EFR3A: variants seen among roughly 807,000 people sequenced by gnomAD.
EFR3A encodes protein EFR3 homolog A.
A neutral mutation model predicts 104.4 loss-of-function variants in EFR3A; 76 were observed. That is an observed-to-expected ratio of 0.73 (90% confidence interval 0.60 to 0.88). The LOEUF is 0.88. Ranked by LOEUF, EFR3A falls within the 40% of genes least tolerant of loss-of-function variation. The pLI is 0.00. For synonymous variants in EFR3A, 330 were observed against 330.0 expected, an observed-to-expected ratio of 1.00 and a Z score of 0.00; for missense variants, 985 against 1,012.5, an observed-to-expected ratio of 0.97 and a Z score of 0.37.
In EFR3A at chr8:131,984,275, T is replaced by G. The variant is rs771925674; in HGVS notation, c.1712T>G (p.Leu571Arg). The change falls in exon 15 of 23, where the codon CTC (leucine) becomes CGC (arginine). Residue 571 changes from leucine to arginine, a missense_variant. Transcript: ENST00000254624. ...GCTAATGAAGAAGTAGTTATTGATC[T>G]CATTCGACTGGCCATTGCTTTACAG... is the stretch of plus-strand genomic sequence containing the variant. ...ELANEEVVIDLIRLAIALQDS... is the reference protein window; with the variant it reads ...ELANEEVVIDRIRLAIALQDS... 1 of 1,604,368 alleles carries G rather than the reference T, an allele frequency of 6.2e-7. No homozygotes were observed. Among genetic ancestry groups the G allele is most frequent in the South Asian group, 1.1e-5 (1 of 88,966 alleles).
At chr8:132,009,433 A>G (rs1822212113) in intron 22 of EFR3A, among the ~76,000 whole-genome samples, 1 of 152,072 alleles carries the variant, frequency 6.6e-6, no homozygotes, top group African/African-American at 2.4e-5. Flanking sequence ...GCAGTCAGGA[A>G]AATGCTGTAG....
At chr8:131,988,031 T>G (rs1024912612) in intron 18 of EFR3A, among the ~76,000 whole-genome samples, 1 of 152,086 alleles carries the variant, frequency 6.6e-6, no homozygotes, top group Non-Finnish European at 1.5e-5. Context: ...TTATGGAAAT[T>G]GATGAAAATT....
chr8:131,928,797 A>C (rs1817437380), intron 1 of EFR3A, among the ~76,000 whole-genome samples: 1 of 150,300 alleles, frequency 6.7e-6, no homozygotes, highest in South Asian at 2.1e-4. Flanking sequence ...TTTCCTCATT[A>C]CTGGAGCGTT....
At chr8:131,982,399 T>G (rs532867683) in intron 14 of EFR3A, among the ~76,000 whole-genome samples, 1 of 152,242 alleles carries the variant, frequency 6.6e-6, no homozygotes, top group East Asian at 1.9e-4. Flanking sequence ...GTCAGACATT[T>G]GAATTCTTTC....
In EFR3A at chr8:131,908,054, G is replaced by A. The variant is rs374319323; in HGVS notation, c.10+3732G>A. On this transcript the variant is annotated intron_variant, in intron 1 of 22. Coordinates refer to ENST00000254624, the MANE Select transcript of EFR3A (RefSeq NM_015137.6). ...CTGGAGAAAGAGAAAGCCAGAATTTGAGGTTTTTTTTTTTTTCTTTTTTTG... is the reference window on the plus strand; with the variant it reads ...CTGGAGAAAGAGAAAGCCAGAATTTAAGGTTTTTTTTTTTTTCTTTTTTTG... Among the ~76,000 whole-genome samples, 15 of 150,474 alleles carry A rather than the reference G, an allele frequency of 1.0e-4. No individual in the cohort carries two copies. The East Asian group carries it at 1.8e-3, about 18-fold the overall frequency.
intron 1 of EFR3A, among the ~76,000 whole-genome samples, chr8:131,910,460 A>G (rs1402778493): frequency 6.6e-6 from 1 of 152,044 alleles, no homozygotes. Flanking sequence ...TTGAGTAGAG[A>G]TGGGGTTTCA....
At chr8:131,972,256 CTTT>C (rs34550285) in intron 10 of EFR3A, among the ~76,000 whole-genome samples, 2 of 139,610 alleles carry the variant, frequency 1.4e-5, no homozygotes, top group Admixed American at 7.2e-5. Context: ...CTCCCTGAAC[CTTT>C]TTTTTTTTTT....
intron 1 of EFR3A, among the ~76,000 whole-genome samples, chr8:131,919,146 C>T (rs1424481575): frequency 6.6e-6 from 1 of 151,586 alleles, no homozygotes; most frequent in Non-Finnish European, 1.5e-5. Context: ...ATCTTTTTTC[C>T]CCCCATATTC....
At chr8:131,913,036 T>G (rs1816584390) in intron 1 of EFR3A, among the ~76,000 whole-genome samples, 2 of 151,444 alleles carry the variant, frequency 1.3e-5, no homozygotes, top group Middle Eastern at 3.4e-3. Flanking sequence ...TTCTGCCTTA[T>G]TAAGTGGTGG....
chr8:131,984,555 T>C (rs1820780067), intron 15 of EFR3A, among the ~76,000 whole-genome samples: 1 of 152,086 alleles, frequency 6.6e-6, no homozygotes, highest in African/African-American at 2.4e-5. Context: ...AGTCCCTGTA[T>C]CCACACTTCC....
chr8:131,965,230 C>T (rs954174306), intron 8 of EFR3A, among the ~76,000 whole-genome samples: 13 of 152,204 alleles, frequency 8.5e-5, no homozygotes, highest in African/African-American at 2.9e-4. Flanking sequence ...TCTAATTAAA[C>T]TAAAGAGCTT....
At chr8:132,003,174 ATATTAT>A (rs1337558071) in intron 21 of EFR3A, 56 bp from the exon 22 acceptor site, 2 of 1,253,198 alleles carry the variant, frequency 1.6e-6, no homozygotes, top group Non-Finnish European at 2.3e-6. Context: ...AGTTACATTG[ATATTAT>A]TATATATAGA....
intron 1 of EFR3A, among the ~76,000 whole-genome samples, chr8:131,938,838 A>G (rs1421071054): frequency 6.6e-6 from 1 of 152,010 alleles, no homozygotes; most frequent in Non-Finnish European, 1.5e-5. Context: ...TGGTTTCCTC[A>G]TTTATCCAAT....
intron 4 of EFR3A, 122 bp from the exon 5 acceptor site, chr8:131,949,847 T>G: frequency 1.1e-6 from 1 of 902,000 alleles, no homozygotes; most frequent in Non-Finnish European, 1.6e-6. Flanking sequence ...AATGTTGTAT[T>G]TGATGTTTTG....
rs1822415364 is a variant in EFR3A at position 132,012,816 on chromosome 8, T to C, written c.*1921T>C. 1 of 152,324 alleles carries C rather than the reference T, an allele frequency of 6.6e-6. No homozygotes were observed. Among genetic ancestry groups the C allele is most frequent in the Admixed American group, 6.6e-5 (1 of 15,264 alleles). 9.4% of individuals were successfully genotyped at this position (152,324 alleles called of 1,614,324 possible). On this transcript the variant is annotated 3_prime_UTR_variant, in exon 23 of 23. Coordinates refer to ENST00000254624, the MANE Select transcript of EFR3A (RefSeq NM_015137.6). ...CACTTACGTGAAACACAAACTTTGC[T>C]CTACAAAATTTCGTGTTTCTTAGTG...
chr8:131,989,606 C>T (rs76853629), intron 18 of EFR3A, among the ~76,000 whole-genome samples: 5,442 of 152,214 alleles, frequency 0.036, 190 homozygotes, highest in African/African-American at 0.092. Context: ...TTCAGGGACT[C>T]AAATATTGTT....
At chr8:131,965,153 T>C (rs1819628920) in intron 8 of EFR3A, among the ~76,000 whole-genome samples, 1 of 152,118 alleles carries the variant, frequency 6.6e-6, no homozygotes, top group South Asian at 2.1e-4. Flanking sequence ...GACATAGGCA[T>C]GGGCAAGGAC....
intron 1 of EFR3A, among the ~76,000 whole-genome samples, chr8:131,923,165 G>A (rs770207402): frequency 6.6e-6 from 1 of 152,054 alleles, no homozygotes; most frequent in Non-Finnish European, 1.5e-5. Context: ...CTCCAAGACC[G>A]GCCTGTCAAT....
intron 5 of EFR3A, among the ~76,000 whole-genome samples, chr8:131,951,706 C>A (rs1818712527): frequency 6.6e-6 from 1 of 152,028 alleles, no homozygotes; most frequent in African/African-American, 2.4e-5. Flanking sequence ...TTTCTGTAAA[C>A]CAATGAAAGG....
Sources: gnomAD v4.1 joint callset for allele counts (sites outside exome capture counted in the v4.1 genomes callset) on GRCh38, gnomAD v4.1.1 for gene constraint, MANE v1.5 for transcripts, NCBI Gene and HGNC (gene_info 2026-07-23, HGNC 2026-07-21) for gene names.